The following DAB1 variants were observed in gnomAD, a reference collection of about 807,000 sequenced individuals.
The protein encoded by DAB1 is DAB adaptor protein 1.
In DAB1, 15 loss-of-function variants were observed where a neutral mutation model predicts 64.6. The ratio of observed to expected loss-of-function variants is 0.23; its 90% CI spans 0.16 to 0.36. The LOEUF (loss-of-function observed/expected upper bound fraction) is 0.36, where lower values mean the gene tolerates loss of function less well. Among genes scored for constraint, DAB1 ranks in the 10% least tolerant of loss-of-function variants. The pLI is 1.00. For missense variants in DAB1, 596 were observed against 706.7 expected (o/e 0.84, Z 1.78); for synonymous variants, 235 against 251.9 (o/e 0.93, Z 0.64).
chr1:57,628,358 A>C (rs1645948313), intron 7 of DAB1, among the ~76,000 whole-genome samples: 1 of 152,242 alleles, frequency 6.6e-6, no homozygotes, highest in African/African-American at 2.4e-5. Flanking sequence ...TCGGCAGTTC[A>C]AATATGAAGA....
At chr1:58,138,735 G>A (rs1400214600) in intron 5 of DAB1, among the ~76,000 whole-genome samples, 3 of 152,100 alleles carry the variant, frequency 2.0e-5, no homozygotes, top group African/African-American at 7.2e-5. Flanking sequence ...GCTTGAAGGA[G>A]GAAGATCATT....
chr1:57,154,920 C>G (rs980851535), intron 2 of DAB1, among the ~76,000 whole-genome samples: 1 of 152,040 alleles, frequency 6.6e-6, no homozygotes, highest in East Asian at 1.9e-4. Flanking sequence ...GTTGTTTGAG[C>G]TCCTTATATT....
chr1:57,776,158 T>G (rs931722453), intron 6 of DAB1, among the ~76,000 whole-genome samples: 1 of 151,770 alleles, frequency 6.6e-6, no homozygotes, highest in Non-Finnish European at 1.5e-5. Flanking sequence ...TAACAGCCTA[T>G]AATCCCAAAT....
At chr1:57,291,399 A>C (rs961944822) in intron 1 of DAB1, among the ~76,000 whole-genome samples, 2 of 152,192 alleles carry the variant, frequency 1.3e-5, no homozygotes, top group Non-Finnish European at 2.9e-5. Context: ...TTAAAAGTCT[A>C]GATTTATAAG....
chr1:57,716,013 G>A (rs1286992603), intron 6 of DAB1, among the ~76,000 whole-genome samples: 1 of 152,020 alleles, frequency 6.6e-6, no homozygotes, highest in East Asian at 1.9e-4. Context: ...GCATTCAAAC[G>A]ATTCTCCTGC....
At chr1:57,951,261 G>A (rs1367331544) in intron 5 of DAB1, among the ~76,000 whole-genome samples, 2 of 144,344 alleles carry the variant, frequency 1.4e-5, no homozygotes, top group Admixed American at 7.2e-5. Flanking sequence ...GGGGGGTGAG[G>A]GGGGTAGTCT....
intron 5 of DAB1, among the ~76,000 whole-genome samples, chr1:58,111,234 C>G (rs562705865): frequency 2.6e-5 from 4 of 152,220 alleles, no homozygotes; most frequent in Non-Finnish European, 5.9e-5. Flanking sequence ...TGTGTAATCT[C>G]AGGCAAGTTA....
At chr1:57,220,305 G>A (rs936018011) in intron 2 of DAB1, among the ~76,000 whole-genome samples, 2 of 152,144 alleles carry the variant, frequency 1.3e-5, no homozygotes, top group African/African-American at 4.8e-5. Context: ...AGTATGCTCT[G>A]AGCTAAAATC....
At chr1:57,962,634 G>A (rs561918227) in intron 5 of DAB1, among the ~76,000 whole-genome samples, 36 of 152,134 alleles carry the variant, frequency 2.4e-4, no homozygotes, top group Non-Finnish European at 3.5e-4. Context: ...CACTTTGGGA[G>A]GTTGAGGTGG....
chr1:57,666,894 G>A (rs1412918674), intron 6 of DAB1, among the ~76,000 whole-genome samples: 1 of 151,024 alleles, frequency 6.6e-6, no homozygotes, highest in Non-Finnish European at 1.5e-5. Context: ...GAGAGGGAAG[G>A]GGAGGGGGAG....
chr1:57,550,349 C>G (rs1644900775), intron 7 of DAB1, among the ~76,000 whole-genome samples: 1 of 152,134 alleles, frequency 6.6e-6, no homozygotes, highest in African/African-American at 2.4e-5. Context: ...AAACAGGACT[C>G]CTACGTGGAC....
At chr1:58,546,169 G>A (rs549638267) in intron 1 of DAB1, among the ~76,000 whole-genome samples, 1 of 152,372 alleles carries the variant, frequency 6.6e-6, no homozygotes, top group Admixed American at 6.5e-5. Flanking sequence ...TGCTTAGACG[G>A]GGAATGTTCT....
intron 1 of DAB1, among the ~76,000 whole-genome samples, chr1:57,836,629 G>A (rs774806918): frequency 1.3e-5 from 2 of 152,162 alleles, no homozygotes; most frequent in Non-Finnish European, 2.9e-5. Flanking sequence ...TGGTATCTCC[G>A]CATCTCATTC....
chr1:58,135,102 C>T (rs1331796298), intron 5 of DAB1, among the ~76,000 whole-genome samples: 1 of 152,114 alleles, frequency 6.6e-6, no homozygotes, highest in African/African-American at 2.4e-5. Context: ...GAGGGAAATA[C>T]ATTATCTTCC....
rs75391888 is a variant in DAB1 at position 57,340,556 on chromosome 1, G to C, written c.-136-49390C>G. On this transcript the variant is annotated intron_variant, in intron 1 of 14. Transcript: ENST00000371236. ...ACGCAGTCACTGTAACCATTTGCTA[G>C]GCTATGTGGAGACACAGTCTACATT... 8.5e-5 allele frequency among the ~76,000 whole-genome samples: 13 copies of C among 152,330 alleles called. No individual in the cohort carries two copies. The East Asian group carries it at 2.5e-3, about 29-fold the overall frequency.
rs147059003 is a variant in DAB1 at position 57,013,308 on chromosome 1, T to C, written c.1444+1575A>G. ...AGAAGTGTAGGAATGATGGAGCCAGTTCCTGCCCTCAAAGAACTTAAACTC... is the reference window on the plus strand; with the variant it reads ...AGAAGTGTAGGAATGATGGAGCCAGCTCCTGCCCTCAAAGAACTTAAACTC... On this transcript the variant is annotated intron_variant, in intron 12 of 14. Coordinates refer to ENST00000371236, the MANE Select transcript of DAB1 (RefSeq NM_001365792.1). 4.3e-3 allele frequency among the ~76,000 whole-genome samples: 654 copies of C among 152,356 alleles called. 6 individuals are homozygous for C. The highest frequency in any genetic ancestry group is 0.015 in the African/African-American group (609 of 41,584).
intron 7 of DAB1, among the ~76,000 whole-genome samples, chr1:57,508,625 C>G (rs892840525): frequency 1.3e-5 from 2 of 152,288 alleles, no homozygotes; most frequent in African/African-American, 4.8e-5. Context: ...CAGACAATGT[C>G]TAAACCAATG....
chr1:57,872,902 G>A (rs757149791), intron 1 of DAB1, among the ~76,000 whole-genome samples: 1 of 152,170 alleles, frequency 6.6e-6, no homozygotes, highest in Non-Finnish European at 1.5e-5. Context: ...GCCAAAGCAG[G>A]GTGGTGTGAT....
intron 3 of DAB1, among the ~76,000 whole-genome samples, chr1:58,483,154 C>A (rs1250852946): frequency 6.6e-6 from 1 of 152,178 alleles, no homozygotes; most frequent in Non-Finnish European, 1.5e-5. Context: ...TTGCCACTAG[C>A]CTGCCATCTG....
Sources: gnomAD v4.1 joint callset for allele counts (sites outside exome capture counted in the v4.1 genomes callset) on GRCh38, gnomAD v4.1.1 for gene constraint, MANE v1.5 for transcripts, NCBI Gene and HGNC (gene_info 2026-07-23, HGNC 2026-07-21) for gene names.